The following SERPIND1 variants were observed in gnomAD, a reference collection of about 807,000 sequenced individuals.
SERPIND1 encodes serpin family D member 1.
A neutral mutation model predicts 35.0 loss-of-function variants in SERPIND1; 34 were observed. That is an observed-to-expected ratio of 0.97 (90% CI 0.74 to 1.29). The LOEUF is 1.29. SERPIND1 is among the 50% of genes most tolerant of loss of function. The pLI, the probability that SERPIND1 is intolerant of heterozygous loss-of-function variation, is 0.00. For synonymous variants in SERPIND1, 236 were observed against 241.1 expected (o/e 0.98, Z 0.19); for missense variants, 633 against 637.7 (o/e 0.99, Z 0.08).
rs1934202993 is a variant in SERPIND1, at chr22:20,786,136, C to T, written c.1296C>T (p.Ile432=). 1.9e-6 allele frequency: 3 copies of T among 1,614,086 alleles called. No homozygotes were observed. The highest frequency in any genetic ancestry group is 2.5e-6 in the Non-Finnish European group (3 of 1,180,020). The part of the protein sequence containing the change: ...GNMAGISDQR[I]AIDLFKHQGT... Reference sequence around the variant, plus strand: ...TGGCAGGCATCTCAGACCAAAGGATCGCCATCGACCTGGTAACCACTCCCT... The same window carrying T: ...TGGCAGGCATCTCAGACCAAAGGATTGCCATCGACCTGGTAACCACTCCCT... Residue 432 remains isoleucine, a synonymous_variant, in exon 4 of 5, where the codon ATC becomes ATT. Transcript: ENST00000215727.
chr22:20,781,488 G>A (rs1308833900), intron 2 of SERPIND1, among the ~76,000 whole-genome samples: 1 of 152,206 alleles, frequency 6.6e-6, no homozygotes, highest in African/African-American at 2.4e-5. Flanking sequence ...CCCAGCTCCT[G>A]GCTTCTGTTC....
intron 3 of SERPIND1, 120 bp downstream of exon 3, chr22:20,784,365 C>T (rs1371193866): frequency 1.5e-6 from 2 of 1,309,152 alleles, no homozygotes; most frequent in Non-Finnish European, 2.1e-6. Context: ...CAAGAACTTC[C>T]ATACAGGGCC....
chr22:20,780,063 G>C lies in SERPIND1; in HGVS notation c.751G>C (p.Ala251Pro). Reference protein sequence around the residue: ...REYYFAEAQIADFSDPAFISK... With the variant: ...REYYFAEAQIPDFSDPAFISK... Reference sequence around the variant, plus strand: ...GTATTACTTTGCTGAGGCCCAGATAGCTGACTTCTCAGACCCTGCCTTCAT... The same window carrying C: ...GTATTACTTTGCTGAGGCCCAGATACCTGACTTCTCAGACCCTGCCTTCAT... The change falls in exon 2 of 5, where the codon GCT becomes CCT. Residue 251 changes from alanine (A) to proline (P), a missense_variant. Ala to Pro is a conservative substitution (Grantham distance 27, BLOSUM62 -1). Coordinates refer to ENST00000215727, the MANE Select transcript of SERPIND1 (RefSeq NM_000185.4). The C allele has an allele frequency of 6.2e-7, 1 of 1,614,120 alleles. No homozygotes were observed. Among genetic ancestry groups the C allele is most frequent in the East Asian group, 2.2e-5 (1 of 44,874 alleles).
chr22:20,781,659 C>A (rs1023209606), intron 2 of SERPIND1, among the ~76,000 whole-genome samples: 2 of 152,258 alleles, frequency 1.3e-5, no homozygotes, highest in Non-Finnish European at 2.9e-5. Context: ...CAATGCTGGC[C>A]TCCTGTGGGT....
chr22:20,786,713 A>C (rs568614527), intron 4 of SERPIND1, among the ~76,000 whole-genome samples, 162 bp from the exon 5 acceptor site: 7 of 152,128 alleles, frequency 4.6e-5, no homozygotes, highest in African/African-American at 1.7e-4. Flanking sequence ...GCTGCCCCTG[A>C]CAGGTGGTGA....
At position 20,779,405 on chromosome 22, in the gene SERPIND1, A is replaced by G; in HGVS notation, c.93A>G (p.Gly31=). The change falls in exon 2 of 5, where the codon GGA becomes GGG. Residue 31 remains glycine (G), a synonymous_variant. Transcript: ENST00000215727. The part of the protein sequence containing the change: ...SKGPLDQLEK[G]GETAQSADPQ... ...GCCCGCTGGATCAGCTAGAGAAAGG[A>G]GGGGAAACTGCTCAGTCTGCAGATC... 6.2e-7 allele frequency: 1 copy of G among 1,614,236 alleles called. No homozygotes were observed. The highest frequency in any genetic ancestry group is 8.5e-7 in the Non-Finnish European group (1 of 1,180,036).
At position 20,787,010 on chromosome 22, in the gene SERPIND1, C is replaced by A. The variant is rs771202457; in HGVS notation, c.1444C>A (p.His482Asn). The A allele has an allele frequency of 1.1e-5, 18 of 1,614,014 alleles. No individual in the cohort carries two copies. The highest frequency in any genetic ancestry group is 1.4e-5 in the Non-Finnish European group (17 of 1,180,036). ...CCCCTTTCTTTTCCTCATCTACGAG[C>A]ATCGCACCAGCTGCCTGCTCTTCAT... ...DRPFLFLIYE[H>N]RTSCLLFMGR... The change falls in exon 5 of 5, where the codon CAT (histidine) becomes AAT (asparagine). Residue 482 changes from histidine to asparagine, a missense_variant. Coordinates refer to ENST00000215727, the MANE Select transcript of SERPIND1 (RefSeq NM_000185.4).
At position 20,779,469 on chromosome 22, in the gene SERPIND1, C is replaced by G. The variant is rs1159393418; in HGVS notation, c.157C>G (p.Pro53Ala). Residue 53 changes from proline to alanine, a missense_variant, in exon 2 of 5, where the codon CCT becomes GCT. By Grantham distance (27) the Pro-to-Ala change is conservative (BLOSUM62 -1). Coordinates refer to ENST00000215727, the MANE Select transcript of SERPIND1 (RefSeq NM_000185.4). ...EQLNNKNLSM[P>A]LLPADFHKEN... is the part of the protein sequence containing the mutation. ...GTTAAATAACAAAAACCTGAGCATG[C>G]CTCTTCTCCCTGCCGACTTCCACAA... 1.2e-6 allele frequency: 2 copies of G among 1,614,172 alleles called. No homozygotes were observed. The highest frequency in any genetic ancestry group is 1.7e-6 in the Non-Finnish European group (2 of 1,180,008).
Position 20,779,546 on chromosome 22 carries a change from C to T in SERPIND1, c.234C>T (p.Asp78=), listed in dbSNP as rs768633737. ...TTCCAGAGGGGGAGGAGGACGACGA[C>T]TATCTGGACCTGGAGAAGATATTCA... ...DWIPEGEEDD[D]YLDLEKIFSE... The change falls in exon 2 of 5, where the codon GAC becomes GAT. Residue 78 remains aspartate, a synonymous_variant. Transcript: ENST00000215727. 6.2e-7 allele frequency: 1 copy of T among 1,614,076 alleles called. No individual in the cohort carries two copies. Among genetic ancestry groups the T allele is most frequent in the Non-Finnish European group, 8.5e-7 (1 of 1,179,896 alleles).
chr22:20,784,172 T>G lies in SERPIND1; in HGVS notation c.1090T>G (p.Ser364Ala). ...SMLIVVPHKMSGMKTLEAQLT... is the reference protein window; with the variant it reads ...SMLIVVPHKMAGMKTLEAQLT... ...GCTAATTGTGGTCCCACACAAGATG[T>G]CTGGGATGAAGACCCTCGAAGCGCA... Residue 364 changes from serine (S) to alanine (A), a missense_variant, in exon 3 of 5, where the codon TCT becomes GCT. Transcript: ENST00000215727. 1 of 1,614,152 alleles carries G rather than the reference T, an allele frequency of 6.2e-7. No homozygotes were observed. Among genetic ancestry groups the G allele is most frequent in the Non-Finnish European group, 8.5e-7 (1 of 1,180,024 alleles).
intron 1 of SERPIND1, 32 bp from the exon 2 acceptor site, chr22:20,779,265 C>T (rs775958557): frequency 9.9e-6 from 16 of 1,612,352 alleles, no homozygotes; most frequent in African/African-American, 5.3e-5. Context: ...TCAGCCAGGC[C>T]GCCTTTCACT....
intron 1 of SERPIND1, among the ~76,000 whole-genome samples, chr22:20,775,241 A>G (rs1337614394): frequency 6.6e-6 from 1 of 152,210 alleles, no homozygotes; most frequent in Non-Finnish European, 1.5e-5. Context: ...TCTTTAAAAT[A>G]TATTGTTTCT....
Position 20,786,054 on chromosome 22 carries a change from T to C in SERPIND1, c.1214T>C (p.Leu405Pro). ...TTCAAGCTGGAGAAGAACTACAATC[T>C]AGTGGAGTCCCTGAAGTTGATGGGG... is the stretch of plus-strand genomic sequence containing the variant. ...PKFKLEKNYN[L>P]VESLKLMGIR... Residue 405 changes from leucine (L) to proline (P), a missense_variant, in exon 4 of 5, where the codon CTA (leucine) becomes CCA (proline). Coordinates refer to ENST00000215727, the MANE Select transcript of SERPIND1 (RefSeq NM_000185.4). 1 of 1,614,134 alleles carries C rather than the reference T, an allele frequency of 6.2e-7. No individual in the cohort carries two copies. Among genetic ancestry groups the C allele is most frequent in the African/African-American group, 1.3e-5 (1 of 75,022 alleles).
intron 2 of SERPIND1, among the ~76,000 whole-genome samples, chr22:20,782,121 G>A (rs1319236398): frequency 6.6e-6 from 1 of 152,200 alleles, no homozygotes; most frequent in Non-Finnish European, 1.5e-5. Context: ...ATTTTTGGCA[G>A]CATCAAAGTC....
rs763223495 is a variant in SERPIND1, at chr22:20,784,249, T to C, written c.1163+4T>C. Reference sequence around the variant, plus strand: ...GGCAAAAAAGCATGACAAACAGGTATTTCACACTGTGTGTTTGTTCTTTTG... The same window carrying C: ...GGCAAAAAAGCATGACAAACAGGTACTTCACACTGTGTGTTTGTTCTTTTG... On this transcript the variant is annotated splice_donor_region_variant and intron_variant, in intron 3 of 4. Coordinates refer to ENST00000215727, the MANE Select transcript of SERPIND1 (RefSeq NM_000185.4). The C allele has an allele frequency of 7.4e-6, 12 of 1,613,938 alleles. No homozygotes were observed. The highest frequency in any genetic ancestry group is 1.0e-5 in the Non-Finnish European group (12 of 1,179,974).
intron 2 of SERPIND1, among the ~76,000 whole-genome samples, chr22:20,781,326 G>A (rs915900526): frequency 9.2e-5 from 14 of 152,294 alleles, no homozygotes; most frequent in African/African-American, 3.1e-4. Context: ...GGAATGGTTC[G>A]GCTTCAGGAC....
chr22:20,779,816 T>A lies in SERPIND1; in HGVS notation c.504T>A (p.Gly168=), dbSNP rs1458493245. Residue 168 remains glycine, a synonymous_variant, in exon 2 of 5, where the codon GGT becomes GGA. Transcript: ENST00000215727. The part of the protein sequence containing the change: ...ISTAMGMISL[G]LKGETHEQVH... ...CTGCGATGGGTATGATTTCCTTAGGTCTGAAGGGAGAGACCCATGAACAAG... is the reference window on the plus strand; with the variant it reads ...CTGCGATGGGTATGATTTCCTTAGGACTGAAGGGAGAGACCCATGAACAAG... 3.1e-6 allele frequency: 5 copies of A among 1,614,094 alleles called. No homozygotes were observed. Among genetic ancestry groups the A allele is most frequent in the Non-Finnish European group, 4.2e-6 (5 of 1,180,042 alleles).
rs999413003 is a variant in SERPIND1, at chr22:20,786,107, A to G, written c.1267A>G (p.Asn423Asp). 4 of 1,614,116 alleles carry G rather than the reference A, an allele frequency of 2.5e-6. No individual in the cohort carries two copies. The highest frequency in any genetic ancestry group is 3.4e-6 in the Non-Finnish European group (4 of 1,180,020). Reference sequence around the variant, plus strand: ...CAGGATGCTGTTTGACAAAAATGGCAACATGGCAGGCATCTCAGACCAAAG... The same window carrying G: ...CAGGATGCTGTTTGACAAAAATGGCGACATGGCAGGCATCTCAGACCAAAG... ...GIRMLFDKNG[N>D]MAGISDQRIA... Residue 423 changes from asparagine to aspartate, a missense_variant, in exon 4 of 5, where the codon AAC (asparagine) becomes GAC (aspartate). Transcript: ENST00000215727.
chr22:20,785,973 A>C, intron 3 of SERPIND1, 31 bp from the exon 4 acceptor site: 1 of 1,614,146 alleles, frequency 6.2e-7, no homozygotes, highest in African/African-American at 1.3e-5. Flanking sequence ...TGGTTCAATA[A>C]AACTGGGCCC....
Sources: gnomAD v4.1 joint callset for allele counts (sites outside exome capture counted in the v4.1 genomes callset) on GRCh38, gnomAD v4.1.1 for gene constraint, MANE v1.5 for transcripts, NCBI Gene and HGNC (gene_info 2026-07-23, HGNC 2026-07-21) for gene names.